Variants in ZNF208 observed in about 807,000 individuals in gnomAD.
The protein encoded by ZNF208 is zinc finger protein 95.
ZNF208 carries 10 observed loss-of-function variants against 12.1 expected under a neutral mutation model. That is an observed-to-expected ratio of 0.83 (90% CI 0.51 to 1.40). ZNF208 has a LOEUF of 1.40. Ranked by LOEUF, ZNF208 falls within the 40% of genes most tolerant of loss-of-function variation. The pLI, the probability that ZNF208 is intolerant of heterozygous loss-of-function variation, is 0.00. For missense variants in ZNF208, 1,652 were observed against 1,485.0 expected, an observed-to-expected ratio of 1.11 and a Z score of -1.85; for synonymous variants, 497 against 488.4, an observed-to-expected ratio of 1.02 and a Z score of -0.23.
In ZNF208 at chr19:21,967,886, T is replaced by C. The variant is rs2145538510; in HGVS notation, c.*3305A>G. ...TATTTGAATCCATGAGCAATATTTT[T>C]CCATTTATTTGCATTGTCTCTCGTT... On this transcript the variant is annotated 3_prime_UTR_variant, in exon 4 of 4. Coordinates refer to ENST00000397126, the MANE Select transcript of ZNF208 (RefSeq NM_007153.3). 1 of 152,284 alleles carries C rather than the reference T, an allele frequency of 6.6e-6. No individual in the cohort carries two copies. The highest frequency in any genetic ancestry group is 2.1e-4 in the South Asian group (1 of 4,828). 9.4% of individuals were successfully genotyped at this position (152,284 alleles called of 1,614,324 possible). A position where few individuals can be genotyped will look rare whatever the true frequency, so the allele number is the denominator to read the frequency against.
downstream of ZNF208, among the ~76,000 whole-genome samples, chr19:21,962,820 T>C (rs1043890836): frequency 6.6e-6 from 1 of 152,106 alleles, no homozygotes; most frequent in African/African-American, 2.4e-5. Context: ...ATCGATTTGT[T>C]GATTTCAATT....
At chr19:22,002,260 G>A (rs1389410963) in intron 1 of ZNF208, among the ~76,000 whole-genome samples, 1 of 152,126 alleles carries the variant, frequency 6.6e-6, no homozygotes, top group Admixed American at 6.5e-5. Flanking sequence ...AAACCTGGAA[G>A]CATTCCTTCT....
intron 3 of ZNF208, among the ~76,000 whole-genome samples, chr19:21,984,599 A>G (rs1283869154): frequency 6.6e-6 from 1 of 152,154 alleles, no homozygotes; most frequent in Non-Finnish European, 1.5e-5. Flanking sequence ...ATATGAATTT[A>G]ACAAAACACT....
intron 1 of ZNF208, among the ~76,000 whole-genome samples, chr19:22,008,726 G>A (rs536015076): frequency 6.6e-6 from 1 of 152,208 alleles, no homozygotes; most frequent in African/African-American, 2.4e-5. Flanking sequence ...TGGAAGCTGC[G>A]TTGGGTAAAG....
chr19:21,986,945 T>C, intron 3 of ZNF208: 1 of 423,394 alleles, frequency 2.4e-6, no homozygotes. Flanking sequence ...ACAAAAAGAT[T>C]GTGCACTCTC....
intron 1 of ZNF208, among the ~76,000 whole-genome samples, chr19:21,992,354 G>A (rs536411639): frequency 6.6e-6 from 1 of 152,334 alleles, no homozygotes; most frequent in African/African-American, 2.4e-5. Flanking sequence ...TAACCATAAG[G>A]AAACATTAGT....
Position 21,972,722 on chromosome 19 carries a change from T to C in ZNF208, c.2312A>G (p.His771Arg), listed in dbSNP as rs752480688. ...SSTLSYHKKI[H>R]TVEKPYKCEE... ...ACATTTGTAGGGTTTCTCTACAGTA[T>C]GAATTTTCTTATGATAACTAAGGGT... Residue 771 changes from histidine to arginine, a missense_variant, in exon 4 of 4, where the codon CAT becomes CGT. His to Arg is a conservative substitution (Grantham distance 29). Around this residue, in one of 3 missense-constraint regions of ZNF208, gnomAD observed 1,239 missense variants for 1,086.2 expected, o/e 1.14. Transcript: ENST00000397126. The C allele has an allele frequency of 1.9e-6, 3 of 1,589,706 alleles. No homozygotes were observed. Among genetic ancestry groups the C allele is most frequent in the South Asian group, 2.3e-5 (2 of 88,830 alleles).
chr19:21,950,491 C>CT (rs59845229), intron 4 of ZNF208, among the ~76,000 whole-genome samples: 54,422 of 137,724 alleles, frequency 0.4, 12,037 homozygotes, highest in African/African-American at 0.62. Context: ...TAGCCCTGTT[C>CT]TTTTTTTTTT....
intron 3 of ZNF208, among the ~76,000 whole-genome samples, chr19:21,981,510 C>G (rs1233289616): frequency 2.6e-5 from 4 of 152,108 alleles, no homozygotes; most frequent in African/African-American, 7.2e-5. Context: ...AATTGAACAG[C>G]CTTCATGCTA....
downstream of ZNF208, among the ~76,000 whole-genome samples, chr19:21,964,960 C>T (rs532605542): frequency 1.3e-4 from 19 of 151,842 alleles, no homozygotes; most frequent in South Asian, 4.2e-4. Flanking sequence ...AAAATAAGTA[C>T]GAAAATTTAT....
At chr19:21,955,341 G>A (rs1326268614) in intron 4 of ZNF208, among the ~76,000 whole-genome samples, 11 of 152,206 alleles carry the variant, frequency 7.2e-5, no homozygotes, top group East Asian at 3.9e-4. Context: ...TCTTTGTGGC[G>A]TTCTCTGTAT....
chr19:22,010,536 C>T (rs1375732584), intron 1 of ZNF208, among the ~76,000 whole-genome samples: 1 of 152,234 alleles, frequency 6.6e-6, no homozygotes, highest in Non-Finnish European at 1.5e-5. Flanking sequence ...CTCCGCGCTG[C>T]GGGTGCAGAG....
intron 4 of ZNF208, among the ~76,000 whole-genome samples, chr19:21,945,683 G>A (rs1969805848): frequency 6.6e-6 from 1 of 151,994 alleles, no homozygotes; most frequent in African/African-American, 2.4e-5. Context: ...ATTCCAAAAT[G>A]ATTTATATGG....
At chr19:21,959,282 A>G (rs1970025989) in intron 4 of ZNF208, among the ~76,000 whole-genome samples, 2 of 152,222 alleles carry the variant, frequency 1.3e-5, no homozygotes, top group African/African-American at 4.8e-5. Flanking sequence ...TTTGACAAAG[A>G]AGAATGTTAC....
chr19:21,964,185 C>T (rs1257366712), downstream of ZNF208, among the ~76,000 whole-genome samples: 1 of 151,698 alleles, frequency 6.6e-6, no homozygotes, highest in Non-Finnish European at 1.5e-5. Context: ...TAAGATATTG[C>T]ACCAGAGAAA....
chr19:22,010,005 G>GA (rs908241172), intron 1 of ZNF208, among the ~76,000 whole-genome samples: 1 of 152,098 alleles, frequency 6.6e-6, no homozygotes, highest in Non-Finnish European at 1.5e-5. Context: ...CTAACATGGT[G>GA]AAACCCTTTC....
chr19:21,960,459 T>C (rs1399885234), intron 4 of ZNF208, among the ~76,000 whole-genome samples: 1 of 152,094 alleles, frequency 6.6e-6, no homozygotes, highest in Non-Finnish European at 1.5e-5. Flanking sequence ...TAAGTGTACA[T>C]CAACAGGTAC....
intron 1 of ZNF208, among the ~76,000 whole-genome samples, chr19:22,007,505 C>CAAAAAAAA (rs58769307): frequency 3.2e-5 from 2 of 62,562 alleles, no homozygotes; most frequent in Non-Finnish European, 2.6e-5. Flanking sequence ...ACTCTGTCTC[C>CAAAAAAAA]AAAAAAAAAA....
At chr19:21,976,041 A>G (rs1417087390) in intron 3 of ZNF208, among the ~76,000 whole-genome samples, 4 of 152,216 alleles carry the variant, frequency 2.6e-5, no homozygotes, top group Admixed American at 2.6e-4. Context: ...AATCATATAA[A>G]AATACATTAT....
Sources: gnomAD v4.1 joint callset for allele counts (sites outside exome capture counted in the v4.1 genomes callset) on GRCh38, gnomAD v4.1.1 for gene constraint, gnomAD v4.1.1 regional missense constraint, MANE v1.5 for transcripts, NCBI Gene and HGNC (gene_info 2026-07-23, HGNC 2026-07-21) for gene names.